The following LRMDA variants were observed in gnomAD, a reference collection of about 807,000 sequenced individuals.
The protein encoded by LRMDA is leucine rich melanocyte differentiation associated, also known as leucine-rich melanocyte differentiation-associated protein.
A neutral mutation model predicts 29.8 loss-of-function variants in LRMDA; 18 were observed. The ratio of observed to expected loss-of-function variants is 0.60; its 90% CI spans 0.42 to 0.90. LRMDA has a LOEUF of 0.90. LRMDA is among the 40% of genes least tolerant of loss of function. The pLI, the probability that LRMDA is intolerant of heterozygous loss-of-function variation, is 0.00. For synonymous variants in LRMDA, 125 were observed against 109.4 expected (o/e 1.14, Z -0.89); for missense variants, 273 against 273.9 (o/e 1.00, Z 0.02).
At chr10:76,061,690 G>C (rs145933010) in intron 5 of LRMDA, among the ~76,000 whole-genome samples, 3 of 152,192 alleles carry the variant, frequency 2.0e-5, no homozygotes, top group African/African-American at 7.2e-5. Flanking sequence ...GCTGGGAGAG[G>C]GTGTAGTTTC....
intron 5 of LRMDA, among the ~76,000 whole-genome samples, chr10:76,208,680 G>A (rs571054583): frequency 1.3e-5 from 2 of 152,236 alleles, no homozygotes; most frequent in Admixed American, 6.5e-5. Flanking sequence ...ATTCAGCAGT[G>A]AAGCCCAGGG....
chr10:75,778,383 C>G (rs183796817), intron 2 of LRMDA, among the ~76,000 whole-genome samples: 6 of 151,992 alleles, frequency 3.9e-5, no homozygotes, highest in Non-Finnish European at 7.4e-5. Context: ...TGGCCTTGTC[C>G]GTCTATTTTT....
intron 2 of LRMDA, among the ~76,000 whole-genome samples, chr10:75,493,692 T>A (rs1358718248): frequency 1.3e-5 from 2 of 152,144 alleles, no homozygotes; most frequent in African/African-American, 4.8e-5. Context: ...GGCCTTGGAA[T>A]TACATGTGTG....
chr10:75,759,358 A>G (rs1843068346), intron 2 of LRMDA, among the ~76,000 whole-genome samples: 3 of 152,148 alleles, frequency 2.0e-5, no homozygotes, highest in Admixed American at 6.5e-5. Flanking sequence ...ATCACCAGTC[A>G]CTTAGATCCC....
intron 5 of LRMDA, among the ~76,000 whole-genome samples, chr10:76,104,170 G>C (rs1849441986): frequency 6.6e-6 from 1 of 151,998 alleles, no homozygotes; most frequent in South Asian, 2.1e-4. Context: ...TTTGTTGAAT[G>C]TCTGTCTACC....
At chr10:75,842,487 A>G (rs1844558629) in intron 2 of LRMDA, among the ~76,000 whole-genome samples, 1 of 152,166 alleles carries the variant, frequency 6.6e-6, no homozygotes, top group Non-Finnish European at 1.5e-5. Flanking sequence ...GTCTCACTAG[A>G]TGAGTGGTTT....
At position 75,813,243 on chromosome 10, in the gene LRMDA, A is replaced by G. The variant is rs1589215446; in HGVS notation, c.132-222765A>G. Among the ~76,000 whole-genome samples, 3 of 152,204 alleles carry G rather than the reference A, an allele frequency of 2.0e-5. No individual in the cohort carries two copies. In the East Asian group the frequency reaches 5.8e-4, roughly 29 times the overall value. On this transcript the variant is annotated intron_variant, in intron 2 of 6. Coordinates refer to ENST00000611255, the MANE Select transcript of LRMDA (RefSeq NM_001305581.2). ...AGATTGCAGTGGAGCTGCTGGTGGC[A>G]TCAGGAGAGCCCTGGGAGGTCACTG... is the stretch of plus-strand genomic sequence containing the variant.
At chr10:75,853,489 T>A (rs1238315018) in intron 2 of LRMDA, among the ~76,000 whole-genome samples, 1 of 151,526 alleles carries the variant, frequency 6.6e-6, no homozygotes, top group Non-Finnish European at 1.5e-5. Context: ...CACAGTCATC[T>A]GCACAGCTGA....
intron 6 of LRMDA, among the ~76,000 whole-genome samples, chr10:76,536,883 A>G (rs1422549014): frequency 1.3e-5 from 2 of 152,158 alleles, no homozygotes; most frequent in African/African-American, 4.8e-5. Context: ...TGTAACAGCC[A>G]TTGATAATAC....
chr10:75,946,380 T>C (rs1846476363), intron 2 of LRMDA, among the ~76,000 whole-genome samples: 1 of 152,234 alleles, frequency 6.6e-6, no homozygotes, highest in African/African-American at 2.4e-5. Flanking sequence ...AATGTCACTG[T>C]GCCCCTGTGC....
At chr10:76,104,487 A>T (rs1243190398) in intron 5 of LRMDA, among the ~76,000 whole-genome samples, 16 of 149,898 alleles carry the variant, frequency 1.1e-4, no homozygotes. Flanking sequence ...CTTTCATGCC[A>T]GGCTGCCCTC....
chr10:75,533,063 G>A (rs1845496820), intron 2 of LRMDA, among the ~76,000 whole-genome samples: 1 of 152,156 alleles, frequency 6.6e-6, no homozygotes, highest in Admixed American at 6.5e-5. Context: ...GCATTTTATA[G>A]CAAGTTGAAA....
At chr10:76,092,035 G>A (rs931781293) in intron 5 of LRMDA, among the ~76,000 whole-genome samples, 2 of 152,106 alleles carry the variant, frequency 1.3e-5, no homozygotes, top group Non-Finnish European at 2.9e-5. Context: ...CCTGAGCCAA[G>A]TAACCCTAGG....
chr10:75,664,852 G>T (rs1394596888), intron 2 of LRMDA, among the ~76,000 whole-genome samples: 2 of 152,182 alleles, frequency 1.3e-5, no homozygotes, highest in Non-Finnish European at 2.9e-5. Context: ...AGTGTCCACT[G>T]CATATAGAAT....
At chr10:75,861,322 T>A (rs1453644607) in intron 2 of LRMDA, among the ~76,000 whole-genome samples, 1 of 152,176 alleles carries the variant, frequency 6.6e-6, no homozygotes, top group Non-Finnish European at 1.5e-5. Context: ...TTTATAGGGG[T>A]CCTTTTTACT....
At chr10:75,496,018 C>T (rs911200490) in intron 2 of LRMDA, among the ~76,000 whole-genome samples, 2 of 152,166 alleles carry the variant, frequency 1.3e-5, no homozygotes, top group African/African-American at 2.4e-5. Context: ...GGAATTGGGA[C>T]GTGTAATCTG....
intron 2 of LRMDA, among the ~76,000 whole-genome samples, chr10:75,844,303 C>T (rs1447799698): frequency 6.6e-6 from 1 of 152,160 alleles, no homozygotes; most frequent in Non-Finnish European, 1.5e-5. Flanking sequence ...GCAAAATCAG[C>T]ATTAGGCTAT....
At chr10:75,593,171 TA>T (rs939111513) in intron 2 of LRMDA, among the ~76,000 whole-genome samples, 1 of 152,212 alleles carries the variant, frequency 6.6e-6, no homozygotes, top group African/African-American at 2.4e-5. Context: ...TTGGATAATT[TA>T]TTTTTTAACC....
rs910167249 is a variant in LRMDA at position 76,296,692 on chromosome 10, A to G, written c.517-27709A>G. 4.6e-5 allele frequency among the ~76,000 whole-genome samples: 7 copies of G among 152,368 alleles called. No homozygotes were observed. The East Asian group carries it at 1.3e-3, about 29-fold the overall frequency. The stretch of plus-strand genomic sequence containing the variant: ...GTGCTGTTTTCTCTCATGGATATAA[A>G]CCAACCTCATTAGACCAACCCATAG... On this transcript the variant is annotated intron_variant, in intron 5 of 6. Coordinates refer to ENST00000611255, the MANE Select transcript of LRMDA (RefSeq NM_001305581.2).
Sources: gnomAD v4.1 joint callset for allele counts (sites outside exome capture counted in the v4.1 genomes callset) on GRCh38, gnomAD v4.1.1 for gene constraint, MANE v1.5 for transcripts, NCBI Gene and HGNC (gene_info 2026-07-23, HGNC 2026-07-21) for gene names.